The following RBM27 variants were observed in gnomAD, a reference collection of about 807,000 sequenced individuals.
RBM27 encodes the protein RNA binding motif protein 27.
In RBM27, 22 loss-of-function variants were observed where a neutral mutation model predicts 135.3. The observed-to-expected ratio is 0.16, with a 90% CI of 0.12 to 0.23. The LOEUF (loss-of-function observed/expected upper bound fraction) is 0.23, where lower values mean the gene tolerates loss of function less well. RBM27 is among the 10% of genes least tolerant of loss of function. RBM27 has a pLI of 1.00. For synonymous variants in RBM27, 481 were observed against 442.4 expected (o/e 1.09, Z -1.10); for missense variants, 1,009 against 1,281.0 (o/e 0.79, Z 3.24).
intron 3 of RBM27, among the ~76,000 whole-genome samples, chr5:146,228,501 C>G (rs907341795): frequency 6.6e-5 from 10 of 151,826 alleles, no homozygotes; most frequent in African/African-American, 2.4e-4. Context: ...ATGCTGGTCT[C>G]AAACTCCTGA....
Position 146,237,412 on chromosome 5 carries a change from T to A in RBM27, c.1259T>A (p.Leu420His). ...TRLPPPLPQN[L>H]LYTVSERQPM... Reference sequence around the variant, plus strand: ...CTACCTCCTCCTTTACCCCAGAACCTCCTTTACACAGTATCAGAACGTAAG... The same window carrying A: ...CTACCTCCTCCTTTACCCCAGAACCACCTTTACACAGTATCAGAACGTAAG... Residue 420 changes from leucine (L) to histidine (H), a missense_variant, in exon 8 of 21, where the codon CTC becomes CAC. Transcript: ENST00000265271. 6.2e-7 allele frequency: 1 copy of A among 1,613,908 alleles called. No individual in the cohort carries two copies. Among genetic ancestry groups the A allele is most frequent in the East Asian group, 2.2e-5 (1 of 44,896 alleles).
At chr5:146,221,885 TATA>T (rs143284524) in intron 2 of RBM27, among the ~76,000 whole-genome samples, 31,773 of 152,098 alleles carry the variant, frequency 0.21, 4,203 homozygotes, top group Admixed American at 0.33. Context: ...CATACTCTTT[TATA>T]ATAACATTTT....
intron 7 of RBM27, among the ~76,000 whole-genome samples, chr5:146,236,625 AT>A (rs1346867396): frequency 1.3e-5 from 2 of 151,902 alleles, no homozygotes; most frequent in African/African-American, 4.8e-5. Flanking sequence ...CTAGTATGGT[AT>A]TTTTTTCTTT....
intron 12 of RBM27, 97 bp downstream of exon 12, chr5:146,260,995 C>T (rs1758372271): frequency 1.7e-6 from 2 of 1,193,194 alleles, no homozygotes; most frequent in East Asian, 2.4e-5. Context: ...AGTGGTTATT[C>T]TGATCATCTC....
chr5:146,248,187 T>C (rs1386164356), intron 8 of RBM27, among the ~76,000 whole-genome samples: 1 of 151,932 alleles, frequency 6.6e-6, no homozygotes, highest in African/African-American at 2.4e-5. Flanking sequence ...ATGTTCAGAT[T>C]GTCTCATCTT....
chr5:146,220,509 T>C (rs1756412185), intron 2 of RBM27, among the ~76,000 whole-genome samples: 1 of 149,286 alleles, frequency 6.7e-6, no homozygotes, highest in African/African-American at 2.5e-5. Flanking sequence ...TATATATATA[T>C]GTATGTATAG....
At chr5:146,225,153 G>T (rs1163045370) in intron 3 of RBM27, among the ~76,000 whole-genome samples, 1 of 151,570 alleles carries the variant, frequency 6.6e-6, no homozygotes, top group East Asian at 2.0e-4. Context: ...AAAGAGACAG[G>T]GTTTCACTAT....
At chr5:146,257,108 T>G (rs11953090) in intron 10 of RBM27, among the ~76,000 whole-genome samples, 31,903 of 152,214 alleles carry the variant, frequency 0.21, 4,258 homozygotes, top group Admixed American at 0.33. Context: ...GTTGCTGAGC[T>G]GTAAAATAGC....
chr5:146,233,182 T>G (rs953005727), intron 6 of RBM27, among the ~76,000 whole-genome samples: 4 of 152,160 alleles, frequency 2.6e-5, no homozygotes, highest in Non-Finnish European at 5.9e-5. Context: ...TTGCAAATGG[T>G]TTAGTATAAT....
intron 14 of RBM27, among the ~76,000 whole-genome samples, chr5:146,265,443 A>G (rs778062218): frequency 6.6e-6 from 1 of 152,206 alleles, no homozygotes; most frequent in Non-Finnish European, 1.5e-5. Context: ...AATTCATATT[A>G]TTTAAATCTT....
At chr5:146,231,124 C>T (rs1160439087) in intron 6 of RBM27, among the ~76,000 whole-genome samples, 4 of 152,040 alleles carry the variant, frequency 2.6e-5, no homozygotes, top group East Asian at 1.9e-4. Flanking sequence ...CGGGTTCAAG[C>T]GATTCTCCTT....
intron 1 of RBM27, among the ~76,000 whole-genome samples, chr5:146,211,749 G>A (rs565023364): frequency 8.6e-5 from 13 of 151,790 alleles, no homozygotes; most frequent in Middle Eastern, 3.5e-3. Flanking sequence ...GGTGTGAGCC[G>A]TCAGGCCTGG....
intron 13 of RBM27, 151 bp from the exon 14 acceptor site, chr5:146,263,340 C>T (rs1758474889): frequency 5.9e-6 from 4 of 683,012 alleles, no homozygotes. Context: ...TTCACCAGTT[C>T]CCCTTAAAAA....
chr5:146,269,084 A>G, intron 15 of RBM27, 123 bp from the exon 16 acceptor site: 1 of 579,446 alleles, frequency 1.7e-6, no homozygotes, highest in Non-Finnish European at 3.1e-6. Flanking sequence ...CAAAGGTTTC[A>G]TCTATGGTGT....
Position 146,229,154 on chromosome 5 carries a change from A to G in RBM27, c.395+117A>G. 1.1e-5 allele frequency: 8 copies of G among 710,040 alleles called. 1 individual carries two copies. In the Middle Eastern group the frequency reaches 2.0e-3, roughly 177 times the overall value. 44.0% of individuals were successfully genotyped at this position (710,040 alleles called of 1,614,324 possible). A position where few individuals can be genotyped will look rare whatever the true frequency, so the allele number is the denominator to read the frequency against. On this transcript the variant is annotated intron_variant, in intron 4 of 20. Transcript: ENST00000265271. ...ACTCCTCTCTCTGTAAACTCATTAA[A>G]GAAAGATGTTACCTTTCTTCCTTTC...
intron 1 of RBM27, among the ~76,000 whole-genome samples, chr5:146,209,824 T>G (rs1755859040): frequency 6.6e-6 from 1 of 152,218 alleles, no homozygotes. Flanking sequence ...CATTCACTAT[T>G]TCATAGAAAA....
At position 146,286,066 on chromosome 5, in the gene RBM27, G is replaced by A; in HGVS notation, c.*36G>A. The stretch of plus-strand genomic sequence containing the variant: ...TAGCTGTATAATTTTTAGGAATATT[G>A]TTTAGAAGAACAACTTTTAAAAATT... On this transcript the variant is annotated 3_prime_UTR_variant, in exon 21 of 21. Transcript: ENST00000265271. The A allele has an allele frequency of 1.3e-6, 2 of 1,532,100 alleles. No homozygotes were observed. The highest frequency in any genetic ancestry group is 8.8e-7 in the Non-Finnish European group (1 of 1,134,740). The allele number at this position is 1,532,100 out of a possible 1,614,324, so 94.9% of individuals were successfully genotyped here. A position where few individuals can be genotyped will look rare whatever the true frequency, so the allele number is the denominator to read the frequency against.
chr5:146,208,731 A>G (rs1755813818), intron 1 of RBM27, among the ~76,000 whole-genome samples: 1 of 152,250 alleles, frequency 6.6e-6, no homozygotes, highest in Non-Finnish European at 1.5e-5. Flanking sequence ...AATTCAGGAA[A>G]TAAGTGCATC....
intron 14 of RBM27, among the ~76,000 whole-genome samples, chr5:146,266,288 T>C (rs1014073146): frequency 2.6e-5 from 4 of 152,084 alleles, no homozygotes; most frequent in African/African-American, 9.7e-5. Context: ...ACTGGATGAG[T>C]GACCTGGTTT....
Sources: gnomAD v4.1 joint callset for allele counts (sites outside exome capture counted in the v4.1 genomes callset) on GRCh38, gnomAD v4.1.1 for gene constraint, MANE v1.5 for transcripts, NCBI Gene and HGNC (gene_info 2026-07-23, HGNC 2026-07-21) for gene names.